Variants in CXXC4 observed in about 807,000 individuals in gnomAD.
CXXC4 encodes CXXC-type zinc finger protein 4.
A neutral mutation model predicts 20.5 loss-of-function variants in CXXC4; 5 were observed. The ratio of observed to expected loss-of-function variants is 0.24; its 90% CI spans 0.13 to 0.51. CXXC4 has a LOEUF of 0.51. Ranked by LOEUF, CXXC4 falls within the 20% of genes least tolerant of loss-of-function variation. The pLI is 0.97. For synonymous variants in CXXC4, 250 were observed against 216.4 expected (o/e 1.16, Z -1.36); for missense variants, 419 against 496.4 (o/e 0.84, Z 1.48).
Position 104,491,461 on chromosome 4 carries a change from GCCGCCGCCCCCGCCC to G in CXXC4, c.327_341del (p.Gly130_Gly134del). Reference sequence around the variant, plus strand: ...CGCCGCCGCCGCCGCCACCCCCCCCGCCGCCGCCCCCGCCCCCGCCGCTGCCCCAGAGCATGGCGG... The same window carrying G: ...CGCCGCCGCCGCCGCCACCCCCCCCGCCGCCGCTGCCCCAGAGCATGGCGG... On this transcript the variant is annotated inframe_deletion, in exon 2 of 3. Coordinates refer to ENST00000394767, the MANE Select transcript of CXXC4 (RefSeq NM_025212.4). 1.1e-6 allele frequency: 1 copy of G among 888,452 alleles called. No homozygotes were observed. The highest frequency in any genetic ancestry group is 1.4e-6 in the Non-Finnish European group (1 of 721,224). The allele number at this position is 888,452 out of a possible 1,614,324, so 55.0% of individuals were successfully genotyped here. A position where few individuals can be genotyped will look rare whatever the true frequency, so the allele number is the denominator to read the frequency against.
intron 2 of CXXC4, among the ~76,000 whole-genome samples, chr4:104,475,573 C>A (rs1442004048): frequency 2.0e-5 from 3 of 152,104 alleles, no homozygotes; most frequent in Admixed American, 2.0e-4. Context: ...TAAGTTTGTA[C>A]TAATTTGAGG....
At chr4:104,477,777 T>A (rs1248282463) in intron 2 of CXXC4, among the ~76,000 whole-genome samples, 1 of 152,074 alleles carries the variant, frequency 6.6e-6, no homozygotes, top group Admixed American at 6.6e-5. Flanking sequence ...TTCCATTTTT[T>A]AAATTACACC....
chr4:104,484,597 G>A (rs917354305), intron 2 of CXXC4, among the ~76,000 whole-genome samples: 2 of 151,894 alleles, frequency 1.3e-5, no homozygotes, highest in African/African-American at 4.8e-5. Context: ...AAATTCAGCA[G>A]GCTTGATTTC....
chr4:104,478,811 A>C (rs1441734568), intron 2 of CXXC4, among the ~76,000 whole-genome samples: 2 of 152,150 alleles, frequency 1.3e-5, no homozygotes, highest in African/African-American at 4.8e-5. Context: ...AATGTGAAAG[A>C]AAATTAGAAG....
chr4:104,479,147 A>G (rs1736493649), intron 2 of CXXC4, among the ~76,000 whole-genome samples: 1 of 152,128 alleles, frequency 6.6e-6, no homozygotes, highest in Admixed American at 6.6e-5. Context: ...TGGTTGGACA[A>G]TTTTGAAGTT....
chr4:104,482,468 C>T (rs931153031), intron 2 of CXXC4, among the ~76,000 whole-genome samples: 1 of 152,136 alleles, frequency 6.6e-6, no homozygotes, highest in Non-Finnish European at 1.5e-5. Context: ...GACTCCACAA[C>T]TTTTCACTTC....
intron 2 of CXXC4, among the ~76,000 whole-genome samples, chr4:104,477,766 T>C (rs939296295): frequency 1.8e-4 from 28 of 152,172 alleles, no homozygotes; most frequent in African/African-American, 6.7e-4. Context: ...TATATACTTG[T>C]TTCCATTTTT....
Position 104,491,274 on chromosome 4 carries a change from G to C in CXXC4, c.529C>G (p.Gln177Glu). Residue 177 changes from glutamine to glutamate, a missense_variant, in exon 2 of 3, where the codon CAG becomes GAG. Coordinates refer to ENST00000394767, the MANE Select transcript of CXXC4 (RefSeq NM_025212.4). ...RTSMHHRNDS[Q>E]RLGKAGCPPE... ...GGGCAGCCAGCTTTCCCCAGCCTCT[G>C]GGAGTCGTTTCGGTGGTGCATGCTG... The C allele has an allele frequency of 6.2e-7, 1 of 1,612,058 alleles. No homozygotes were observed. Among genetic ancestry groups the C allele is most frequent in the Non-Finnish European group, 8.5e-7 (1 of 1,179,668 alleles).
At chr4:104,486,276 C>T (rs550284687) in intron 2 of CXXC4, among the ~76,000 whole-genome samples, 5 of 152,116 alleles carry the variant, frequency 3.3e-5, no homozygotes, top group African/African-American at 9.6e-5. Context: ...GTGGGTACAA[C>T]ATGATATTTT....
At position 104,468,337 on chromosome 4, in the gene CXXC4, A is replaced by C. The variant is rs962784058; in HGVS notation, c.*3985T>G. 8 of 151,686 alleles carry C rather than the reference A, an allele frequency of 5.3e-5. No homozygotes were observed. Among genetic ancestry groups the C allele is most frequent in the Non-Finnish European group, 1.0e-4 (7 of 67,872 alleles). 9.4% of individuals were successfully genotyped at this position (151,686 alleles called of 1,614,324 possible). A position where few individuals can be genotyped will look rare whatever the true frequency, so the allele number is the denominator to read the frequency against. ...GAGTACTAAAGTCCTTTATTCAACA[A>C]CACAGAAATTTCACAAAAACAACTT... is the stretch of plus-strand genomic sequence containing the variant. On this transcript the variant is annotated 3_prime_UTR_variant, in exon 3 of 3. Coordinates refer to ENST00000394767, the MANE Select transcript of CXXC4 (RefSeq NM_025212.4).
At chr4:104,485,790 A>G (rs1464694426) in intron 2 of CXXC4, among the ~76,000 whole-genome samples, 3 of 152,050 alleles carry the variant, frequency 2.0e-5, no homozygotes, top group African/African-American at 7.2e-5. Flanking sequence ...TCAATTTTCA[A>G]TCTTACAGGC....
chr4:104,485,311 T>G (rs1274652056), intron 2 of CXXC4, among the ~76,000 whole-genome samples: 1 of 152,096 alleles, frequency 6.6e-6, no homozygotes, highest in Non-Finnish European at 1.5e-5. Context: ...TATATTTACA[T>G]GGGCTTTTAA....
In CXXC4 at chr4:104,469,346, C is replaced by A. The variant is rs1560536267; in HGVS notation, c.*2976G>T. 6.6e-6 allele frequency: 1 copy of A among 152,046 alleles called. No individual in the cohort carries two copies. The allele number at this position is 152,046 out of a possible 1,614,324, so 9.4% of individuals were successfully genotyped here. On this transcript the variant is annotated 3_prime_UTR_variant, in exon 3 of 3. Coordinates refer to ENST00000394767, the MANE Select transcript of CXXC4 (RefSeq NM_025212.4). ...CTCCCCAAATGCTGGCAGATTATGG[C>A]ATCTCTCTATCCACGCCTAGGGAGG... is the stretch of plus-strand genomic sequence containing the variant.
intron 2 of CXXC4, among the ~76,000 whole-genome samples, chr4:104,476,933 T>C (rs550993311): frequency 6.6e-6 from 1 of 152,270 alleles, no homozygotes; most frequent in East Asian, 1.9e-4. Flanking sequence ...TTAAGGCAAT[T>C]TCAGGCTGTA....
intron 2 of CXXC4, among the ~76,000 whole-genome samples, chr4:104,484,704 G>C (rs1736639794): frequency 6.6e-6 from 1 of 151,990 alleles, no homozygotes. Context: ...TTTTAGAGTA[G>C]AAGTTAACAA....
intron 2 of CXXC4, among the ~76,000 whole-genome samples, chr4:104,477,406 G>A (rs1054745265): frequency 4.6e-5 from 7 of 151,924 alleles, no homozygotes; most frequent in African/African-American, 1.7e-4. Flanking sequence ...ACTGTATTAC[G>A]TATACAGTAT....
At chr4:104,476,272 T>C (rs1371038007) in intron 2 of CXXC4, among the ~76,000 whole-genome samples, 1 of 152,182 alleles carries the variant, frequency 6.6e-6, no homozygotes, top group Non-Finnish European at 1.5e-5. Context: ...TAATAAAGAA[T>C]ATGAAAAGCT....
intron 2 of CXXC4, among the ~76,000 whole-genome samples, chr4:104,476,592 T>C (rs1736412412): frequency 6.6e-6 from 1 of 152,200 alleles, no homozygotes; most frequent in Non-Finnish European, 1.5e-5. Context: ...CTTTTGATGC[T>C]GAAATTCACC....
Position 104,472,187 on chromosome 4 carries a change from T to TTTAAA in CXXC4, c.*134_*135insTTTAA. 4.5e-6 allele frequency: 2 copies of TTTAAA among 448,902 alleles called. No individual in the cohort carries two copies. 27.8% of individuals were successfully genotyped at this position (448,902 alleles called of 1,614,324 possible). On this transcript the variant is annotated 3_prime_UTR_variant, in exon 3 of 3. Transcript: ENST00000394767. ...TTCTTTTCCTCTTTTTTTTTTTTTT[T>TTTAAA]GAAGAAAGCCCTATACATAAAATGA...
Sources: allele counts gnomAD v4.1 joint callset (sites outside exome capture counted in the v4.1 genomes callset), GRCh38; gene constraint gnomAD v4.1.1; transcripts MANE v1.5; gene names NCBI Gene and HGNC (gene_info 2026-07-23, HGNC 2026-07-21).